Variants in RBM41 observed in about 807,000 individuals in gnomAD.
RBM41 encodes RNA binding motif protein 41, also known as RNA-binding protein 41.
A neutral mutation model predicts 30.8 loss-of-function variants in RBM41; 14 were observed. The observed-to-expected ratio is 0.45, with a 90% CI of 0.30 to 0.71. The LOEUF is 0.71. RBM41 is among the 30% of genes least tolerant of loss of function. The pLI is 0.08. For synonymous variants in RBM41, 120 were observed against 110.1 expected, an observed-to-expected ratio of 1.09 and a Z score of -0.56; for missense variants, 276 against 326.3, an observed-to-expected ratio of 0.85 and a Z score of 1.19.
intron 5 of RBM41, among the ~76,000 whole-genome samples, chrX:107,101,534 A>C (rs994382554): frequency 8.9e-6 from 1 of 111,831 alleles, no homozygotes; most frequent in African/African-American, 3.3e-5. Flanking sequence ...CAACAACCAG[A>C]ATGCCATGTG....
chrX:107,068,322 T>A (rs1214961470), intron 7 of RBM41, among the ~76,000 whole-genome samples: 1 of 111,376 alleles, frequency 9.0e-6, no homozygotes, highest in Admixed American at 9.6e-5. Flanking sequence ...ACTAAACCAA[T>A]TTTGTTTCAT....
intron 5 of RBM41, among the ~76,000 whole-genome samples, chrX:107,111,015 C>A (rs996204645): frequency 3.6e-5 from 4 of 110,842 alleles, no homozygotes; most frequent in Non-Finnish European, 7.6e-5. Flanking sequence ...GGATATGACA[C>A]CAAAAGCATA....
intron 5 of RBM41, among the ~76,000 whole-genome samples, chrX:107,092,063 T>G (rs1287103283): frequency 8.9e-6 from 1 of 111,851 alleles, no homozygotes; most frequent in African/African-American, 3.2e-5. Flanking sequence ...AAAGGGCAAA[T>G]GTGTATGTAA....
At chrX:107,099,728 C>T (rs1286891332) in intron 5 of RBM41, among the ~76,000 whole-genome samples, 1 of 108,735 alleles carries the variant, frequency 9.2e-6, no homozygotes, top group Non-Finnish European at 1.9e-5. Context: ...CACACACACA[C>T]GAACACGAAG....
intron 5 of RBM41, among the ~76,000 whole-genome samples, chrX:107,106,856 C>T (rs1470487885): frequency 1.0e-5 from 1 of 95,340 alleles, no homozygotes; most frequent in Non-Finnish European, 2.0e-5. Context: ...ACATCATACA[C>T]CGGGGCCTGT....
intron 5 of RBM41, among the ~76,000 whole-genome samples, chrX:107,100,223 G>T: frequency 8.9e-6 from 1 of 112,552 alleles, no homozygotes; most frequent in Admixed American, 9.4e-5. Flanking sequence ...AACACTTTGG[G>T]AGGCTGAGGT....
chrX:107,071,453 T>C (rs1936062804), intron 6 of RBM41, among the ~76,000 whole-genome samples: 1 of 110,977 alleles, frequency 9.0e-6, no homozygotes, highest in African/African-American at 3.3e-5. Flanking sequence ...ACAAAAACAT[T>C]ATAAGAAAAA....
In RBM41 at chrX:107,067,527, C is replaced by G. The variant is rs1935886897; in HGVS notation, c.1314G>C (p.Ter438TyrextTer13). The change falls in exon 8 of 8, where the codon TAG becomes TAC. Residue 438 changes from the stop codon to tyrosine, a stop_lost. Coordinates refer to ENST00000685964, the MANE Select transcript of RBM41 (RefSeq NM_001324242.2). The part of the protein sequence containing the change: ...TGSTTEISGS[*>Y] ...CCAGGACCCACAATTTATATATATTCTAGCTACCACTAATTTCTGTAGTGC... is the reference window on the plus strand; with the variant it reads ...CCAGGACCCACAATTTATATATATTGTAGCTACCACTAATTTCTGTAGTGC... 1 of 1,198,910 alleles carries G rather than the reference C, an allele frequency of 8.3e-7. No individual in the cohort carries two copies. The highest frequency in any genetic ancestry group is 2.2e-5 in the Admixed American group (1 of 44,932).
chrX:107,055,478 C>A, the RBM41 span, among the ~76,000 whole-genome samples: 1 of 111,395 alleles, frequency 9.0e-6, no homozygotes, highest in East Asian at 2.8e-4. Context: ...GCGCCCGCCA[C>A]CACGCCCAGC....
intron 6 of RBM41, among the ~76,000 whole-genome samples, chrX:107,077,905 A>G (rs1003264511): frequency 1.8e-5 from 2 of 111,912 alleles, no homozygotes; most frequent in Admixed American, 1.9e-4. Flanking sequence ...CCCTGTTATT[A>G]ATATCTTACA....
At chrX:107,092,550 G>T (rs1471204778) in intron 5 of RBM41, among the ~76,000 whole-genome samples, 1 of 111,076 alleles carries the variant, frequency 9.0e-6, no homozygotes, top group Non-Finnish European at 1.9e-5. Context: ...TTCAAGACCA[G>T]CCTGGGCAAC....
chrX:107,076,643 C>A (rs1936237873), intron 6 of RBM41, among the ~76,000 whole-genome samples: 1 of 110,848 alleles, frequency 9.0e-6, no homozygotes. Flanking sequence ...GTTTGCTGTA[C>A]AACATTGTGC....
At chrX:107,057,075 C>T (rs778936370), downstream of RBM41, among the ~76,000 whole-genome samples, 1 of 110,153 alleles carries the variant, frequency 9.1e-6, no homozygotes, top group Non-Finnish European at 1.9e-5. Context: ...CACTACATTA[C>T]CCAGGCAGGT....
At chrX:107,090,452 T>C (rs1327532857) in intron 5 of RBM41, among the ~76,000 whole-genome samples, 1 of 112,172 alleles carries the variant, frequency 8.9e-6, no homozygotes, top group Non-Finnish European at 1.9e-5. Flanking sequence ...ATATACTTTA[T>C]CTGTGTCAAT....
chrX:107,115,475 T>A lies in RBM41; in HGVS notation c.400A>T (p.Ile134Phe), dbSNP rs1262677695. ...GCAAATCTCTGTGGCAGGCAAAGAA[T>A]GCGCTGACGCTCCGAGATCCTTTCT... ...IEERISERQR[I>F]LCLPQRFAKS... The change falls in exon 4 of 8, where the codon ATT becomes TTT. Residue 134 changes from isoleucine to phenylalanine, a missense_variant. By Grantham distance (21) the Ile-to-Phe change is conservative (BLOSUM62 0). Transcript: ENST00000685964. The A allele has an allele frequency of 2.5e-6, 3 of 1,210,010 alleles. No individual in the cohort carries two copies.
At chrX:107,099,291 C>T (rs188445713) in intron 5 of RBM41, among the ~76,000 whole-genome samples, 2 of 111,580 alleles carry the variant, frequency 1.8e-5, no homozygotes, top group East Asian at 5.7e-4. Context: ...TTTCCTACCT[C>T]CTTCCTTCCT....
At chrX:107,101,689 T>C (rs1923476591) in intron 5 of RBM41, among the ~76,000 whole-genome samples, 2 of 112,074 alleles carry the variant, frequency 1.8e-5, no homozygotes, top group African/African-American at 6.5e-5. Flanking sequence ...CCTCCACAAC[T>C]GTGAGGGAAT....
chrX:107,088,744 G>A lies in RBM41; in HGVS notation c.691C>T (p.Leu231Phe), dbSNP rs1922262209. 1 of 1,211,430 alleles carries A rather than the reference G, an allele frequency of 8.3e-7. No individual in the cohort carries two copies. Among genetic ancestry groups the A allele is most frequent in the Non-Finnish European group, 1.1e-6 (1 of 895,491 alleles). ...GAAGCAAAGGGTTCACCTCTCATAA[G>A]TTGAAACTCTTCAAGACGTTTTTTC... is the stretch of plus-strand genomic sequence containing the variant. ...IMKKRLEEFQ[L>F]MRGEPFASHS... is the part of the protein sequence containing the mutation. Residue 231 changes from leucine (L) to phenylalanine (F), a missense_variant, in exon 6 of 8, where the codon CTT becomes TTT. By Grantham distance (22) the Leu-to-Phe change is conservative. Transcript: ENST00000685964.
At chrX:107,077,526 G>A (rs1921072909) in intron 6 of RBM41, among the ~76,000 whole-genome samples, 1 of 106,142 alleles carries the variant, frequency 9.4e-6, no homozygotes, top group Non-Finnish European at 1.9e-5. Flanking sequence ...ATATACACAC[G>A]TAAGTGCAGA....
Sources: allele counts gnomAD v4.1 joint callset (sites outside exome capture counted in the v4.1 genomes callset), GRCh38; gene constraint gnomAD v4.1.1; transcripts MANE v1.5; gene names NCBI Gene and HGNC (gene_info 2026-07-23, HGNC 2026-07-21).